Variants in RBFOX1 observed in about 807,000 individuals in gnomAD.
RBFOX1 encodes RNA binding protein fox-1 homolog 1.
A neutral mutation model predicts 57.7 loss-of-function variants in RBFOX1; 8 were observed. That is an observed-to-expected ratio of 0.14 (90% CI 0.08 to 0.25). The LOEUF is 0.25. Ranked by LOEUF, RBFOX1 falls within the 10% of genes least tolerant of loss-of-function variation. RBFOX1 has a pLI of 1.00. For missense variants in RBFOX1, 611 were observed against 548.5 expected (o/e 1.11, Z -1.14); for synonymous variants, 326 against 222.4 (o/e 1.47, Z -4.15).
chr16:6,793,513 T>C (rs924835138), intron 3 of RBFOX1, among the ~76,000 whole-genome samples: 2 of 152,184 alleles, frequency 1.3e-5, no homozygotes, highest in African/African-American at 4.8e-5. Flanking sequence ...ATTTTGGCCA[T>C]TTCCAAACAT....
At chr16:6,533,272 T>C (rs756928433) in intron 2 of RBFOX1, among the ~76,000 whole-genome samples, 1 of 152,230 alleles carries the variant, frequency 6.6e-6, no homozygotes, top group Non-Finnish European at 1.5e-5. Context: ...CCTATGCACA[T>C]GATAATTTGA....
chr16:5,781,198 T>A (rs941232345), intron 3 of RBFOX1, among the ~76,000 whole-genome samples: 1 of 152,224 alleles, frequency 6.6e-6, no homozygotes, highest in African/African-American at 2.4e-5. Context: ...TGATGCTTCT[T>A]GCCTAAAGAT....
chr16:7,520,635 C>G (rs57756719), intron 5 of RBFOX1, among the ~76,000 whole-genome samples: 2 of 152,130 alleles, frequency 1.3e-5, no homozygotes, highest in African/African-American at 2.4e-5. Context: ...CTCCTGCTGC[C>G]GACTTTTTTG....
intron 3 of RBFOX1, among the ~76,000 whole-genome samples, chr16:6,770,514 C>T (rs553540318): frequency 9.2e-5 from 14 of 152,108 alleles, no homozygotes. Flanking sequence ...CCCTGCAAGT[C>T]GAAAATATTT....
At chr16:5,409,295 G>GC (rs2066949673) in intron 1 of RBFOX1, among the ~76,000 whole-genome samples, 1 of 152,154 alleles carries the variant, frequency 6.6e-6, no homozygotes. Flanking sequence ...CCCTAGGGGA[G>GC]CCCCCCAGGT....
intron 4 of RBFOX1, among the ~76,000 whole-genome samples, chr16:5,895,064 C>A (rs1401548984): frequency 6.6e-6 from 1 of 150,712 alleles, no homozygotes; most frequent in African/African-American, 2.5e-5. Flanking sequence ...GGGTATTACA[C>A]AAGTACTGAA....
chr16:7,168,905 T>C (rs2080118941), intron 4 of RBFOX1, among the ~76,000 whole-genome samples: 1 of 152,096 alleles, frequency 6.6e-6, no homozygotes, highest in African/African-American at 2.4e-5. Flanking sequence ...TAACTCCATT[T>C]CTTAATGTCA....
intron 1 of RBFOX1, among the ~76,000 whole-genome samples, chr16:6,142,463 C>T (rs768810576): frequency 1.3e-5 from 2 of 152,016 alleles, no homozygotes; most frequent in East Asian, 3.9e-4. Flanking sequence ...CCTTGTGATT[C>T]GCCCGCCTCG....
chr16:6,105,617 TA>T (rs769745593), intron 1 of RBFOX1, among the ~76,000 whole-genome samples: 31 of 152,146 alleles, frequency 2.0e-4, no homozygotes, highest in African/African-American at 7.0e-4. Context: ...TATTTTATTT[TA>T]TTTTTTTGTT....
At chr16:7,437,760 G>A (rs768089167) in intron 4 of RBFOX1, among the ~76,000 whole-genome samples, 44 of 152,022 alleles carry the variant, frequency 2.9e-4, no homozygotes, top group Admixed American at 9.2e-4. Context: ...TATACTGCTC[G>A]ACGTGGCAAA....
intron 3 of RBFOX1, among the ~76,000 whole-genome samples, chr16:6,930,527 A>G (rs1489723800): frequency 6.6e-6 from 1 of 152,022 alleles, no homozygotes; most frequent in Non-Finnish European, 1.5e-5. Flanking sequence ...CTCCTGCCTC[A>G]GCCTCCCAAG....
At chr16:6,528,983 A>T (rs939905536) in intron 2 of RBFOX1, among the ~76,000 whole-genome samples, 2 of 152,218 alleles carry the variant, frequency 1.3e-5, no homozygotes, top group African/African-American at 2.4e-5. Flanking sequence ...TCTCTACATG[A>T]AGAACAATTA....
At chr16:7,102,665 T>A (rs1427078104) in intron 4 of RBFOX1, among the ~76,000 whole-genome samples, 4 of 152,204 alleles carry the variant, frequency 2.6e-5, no homozygotes, top group African/African-American at 9.6e-5. Context: ...ACAGTGAACA[T>A]TTCTCGCTAA....
In RBFOX1 at chr16:6,940,745, C is replaced by G. The variant is rs1046517074; in HGVS notation, c.-15-111312C>G. ...CCCGAGTAGCTGGGACTACAGGCGC[C>G]CGCCACCATGTCCCGCTAGTGTGTG... On this transcript the variant is annotated intron_variant, in intron 3 of 15. Transcript: ENST00000550418. Among the ~76,000 whole-genome samples the G allele has an allele frequency of 2.0e-5, 3 of 149,362 alleles. No homozygotes were observed. The East Asian group carries it at 6.0e-4, about 30-fold the overall frequency.
chr16:6,666,737 C>G (rs181304934), intron 3 of RBFOX1, among the ~76,000 whole-genome samples: 1 of 152,088 alleles, frequency 6.6e-6, no homozygotes, highest in African/African-American at 2.4e-5. Context: ...CACAGGTAAA[C>G]GGTGACTTAC....
intron 2 of RBFOX1, among the ~76,000 whole-genome samples, chr16:5,482,690 G>A (rs141418188): frequency 2.0e-5 from 3 of 152,246 alleles, no homozygotes; most frequent in Admixed American, 2.0e-4. Flanking sequence ...AGAGAATGGG[G>A]GTGTGTGTGA....
At chr16:6,366,085 A>ATG (rs71145219) in intron 2 of RBFOX1, among the ~76,000 whole-genome samples, 5,393 of 144,286 alleles carry the variant, frequency 0.037, 170 homozygotes, top group Admixed American at 0.081. Context: ...TGGCCATTCT[A>ATG]TGTGTGTGTG....
At chr16:5,753,410 T>C (rs993785816) in intron 3 of RBFOX1, among the ~76,000 whole-genome samples, 1 of 152,198 alleles carries the variant, frequency 6.6e-6, no homozygotes, top group African/African-American at 2.4e-5. Flanking sequence ...AATATACTTG[T>C]GTAGAATTTT....
chr16:6,474,320 A>G (rs1049284722), intron 2 of RBFOX1, among the ~76,000 whole-genome samples: 4 of 152,156 alleles, frequency 2.6e-5, no homozygotes, highest in Non-Finnish European at 5.9e-5. Flanking sequence ...CCCTTTAATC[A>G]TATCCCGTGG....
Sources: gnomAD v4.1 joint callset for allele counts (sites outside exome capture counted in the v4.1 genomes callset) on GRCh38, gnomAD v4.1.1 for gene constraint, MANE v1.5 for transcripts, NCBI Gene and HGNC (gene_info 2026-07-23, HGNC 2026-07-21) for gene names.